PDLIM5: variants seen among roughly 807,000 people sequenced by gnomAD.
PDLIM5 encodes PDZ and LIM domain 5.
In PDLIM5, 34 loss-of-function variants were observed where a neutral mutation model predicts 64.2. That is an observed-to-expected ratio of 0.53 (90% CI 0.40 to 0.71). The LOEUF (loss-of-function observed/expected upper bound fraction) is 0.71, where lower values mean the gene tolerates loss of function less well. Among genes scored for constraint, PDLIM5 ranks in the 30% least tolerant of loss-of-function variants. PDLIM5 has a pLI of 0.00. For missense variants in PDLIM5, 683 were observed against 733.6 expected, an observed-to-expected ratio of 0.93 and a Z score of 0.80; for synonymous variants, 253 against 269.1, an observed-to-expected ratio of 0.94 and a Z score of 0.59.
At chr4:94,487,525 G>A (rs1220078670) in intron 2 of PDLIM5, among the ~76,000 whole-genome samples, 1 of 152,174 alleles carries the variant, frequency 6.6e-6, no homozygotes, top group Non-Finnish European at 1.5e-5. Context: ...ACCTCTTGCA[G>A]CCTGGCCATT....
intron 3 of PDLIM5, among the ~76,000 whole-genome samples, chr4:94,526,637 A>G (rs1214782193): frequency 1.3e-5 from 2 of 152,180 alleles, no homozygotes; most frequent in African/African-American, 2.4e-5. Context: ...TTGAAGAGTT[A>G]TCTTTGATTC....
intron 2 of PDLIM5, among the ~76,000 whole-genome samples, chr4:94,510,010 T>A (rs1242240418): frequency 1.3e-5 from 2 of 152,200 alleles, no homozygotes; most frequent in Non-Finnish European, 2.9e-5. Flanking sequence ...ACTAGTTTAA[T>A]AGTTCATTCT....
intron 3 of PDLIM5, among the ~76,000 whole-genome samples, chr4:94,539,060 T>A (rs1731553896): frequency 6.6e-6 from 1 of 152,256 alleles, no homozygotes; most frequent in African/African-American, 2.4e-5. Flanking sequence ...GATTCCATGA[T>A]TAAAAGACAG....
At chr4:94,540,237 A>G (rs540238925) in intron 3 of PDLIM5, among the ~76,000 whole-genome samples, 4 of 150,042 alleles carry the variant, frequency 2.7e-5, no homozygotes, top group African/African-American at 9.8e-5. Flanking sequence ...TTCACACGCC[A>G]TTCTCCTGCC....
chr4:94,603,484 A>G (rs913896089), intron 7 of PDLIM5, among the ~76,000 whole-genome samples: 1 of 151,984 alleles, frequency 6.6e-6, no homozygotes, highest in East Asian at 1.9e-4. Flanking sequence ...TGCCCCCCCA[A>G]CCCTCCGCAA....
intron 9 of PDLIM5, among the ~76,000 whole-genome samples, chr4:94,644,222 A>C (rs1219815533): frequency 2.6e-5 from 4 of 152,242 alleles, no homozygotes; most frequent in Non-Finnish European, 5.9e-5. Flanking sequence ...TGATTATTCC[A>C]CTTCAAGGTT....
rs573984199 is a variant in PDLIM5 at position 94,632,157 on chromosome 4, T to A, written c.1109-8119T>A. ...TCCCACTATAATATAATTGACTGTTTACTGGCTTATAACCTTCTTTAAACT... is the reference window on the plus strand; with the variant it reads ...TCCCACTATAATATAATTGACTGTTAACTGGCTTATAACCTTCTTTAAACT... On this transcript the variant is annotated intron_variant, in intron 8 of 12. Coordinates refer to ENST00000317968, the MANE Select transcript of PDLIM5 (RefSeq NM_006457.5). 2.6e-5 allele frequency among the ~76,000 whole-genome samples: 4 copies of A among 152,380 alleles called. No homozygotes were observed. In the South Asian group the frequency reaches 8.3e-4, roughly 32 times the overall value.
At chr4:94,570,118 A>G (rs1214864704) in intron 3 of PDLIM5, among the ~76,000 whole-genome samples, 1 of 152,076 alleles carries the variant, frequency 6.6e-6, no homozygotes, top group African/African-American at 2.4e-5. Context: ...ATAATTAGAT[A>G]TATTATAATT....
intron 11 of PDLIM5, among the ~76,000 whole-genome samples, chr4:94,657,810 G>A (rs966968196): frequency 4.6e-5 from 7 of 151,910 alleles, no homozygotes; most frequent in Non-Finnish European, 7.4e-5. Context: ...AGGTTCAGGC[G>A]ATTCTCCTGC....
intron 3 of PDLIM5, among the ~76,000 whole-genome samples, chr4:94,547,118 TAA>T (rs919932127): frequency 1.3e-5 from 2 of 152,130 alleles, no homozygotes; most frequent in African/African-American, 2.4e-5. Flanking sequence ...AACATTTTCA[TAA>T]AAGTTTTCCA....
intron 2 of PDLIM5, among the ~76,000 whole-genome samples, chr4:94,482,936 A>T (rs1726001340): frequency 6.6e-6 from 1 of 152,188 alleles, no homozygotes; most frequent in Non-Finnish European, 1.5e-5. Flanking sequence ...AGACAGGGAA[A>T]TGAACACCAA....
chr4:94,454,858 A>T (rs1042306968), intron 1 of PDLIM5, among the ~76,000 whole-genome samples: 2 of 152,252 alleles, frequency 1.3e-5, no homozygotes, highest in African/African-American at 4.8e-5. Context: ...AATTGCAGAC[A>T]AAAGAATACA....
At chr4:94,551,947 T>G (rs562253788) in intron 3 of PDLIM5, among the ~76,000 whole-genome samples, 1 of 152,302 alleles carries the variant, frequency 6.6e-6, no homozygotes, top group African/African-American at 2.4e-5. Context: ...GATTGACTTT[T>G]TTCCTGTATA....
At chr4:94,504,217 C>G (rs777383216) in intron 2 of PDLIM5, among the ~76,000 whole-genome samples, 4 of 149,714 alleles carry the variant, frequency 2.7e-5, no homozygotes, top group Non-Finnish European at 5.9e-5. Flanking sequence ...TACAAAAAAG[C>G]AAAAAAAAGT....
chr4:94,537,770 T>C (rs572613807), intron 3 of PDLIM5, among the ~76,000 whole-genome samples: 1 of 152,352 alleles, frequency 6.6e-6, no homozygotes, highest in South Asian at 2.1e-4. Flanking sequence ...GTTAAGTAAG[T>C]ACTTCAGAGT....
chr4:94,635,083 C>T (rs1033256804), intron 8 of PDLIM5, among the ~76,000 whole-genome samples: 3 of 152,026 alleles, frequency 2.0e-5, no homozygotes, highest in Non-Finnish European at 2.9e-5. Flanking sequence ...TTATTCTGAA[C>T]CTTTAGAAGA....
At chr4:94,495,209 T>C (rs189537558) in intron 2 of PDLIM5, among the ~76,000 whole-genome samples, 10 of 152,316 alleles carry the variant, frequency 6.6e-5, no homozygotes, top group African/African-American at 2.2e-4. Context: ...TGTTCAACTT[T>C]AAAAGCTTGT....
intron 7 of PDLIM5, chr4:94,610,316 C>A: frequency 1.3e-6 from 2 of 1,485,796 alleles, no homozygotes; most frequent in Non-Finnish European, 1.8e-6. Context: ...TAGAACTACA[C>A]GTACAGCGTC....
chr4:94,492,447 T>C (rs1726964462), intron 2 of PDLIM5, among the ~76,000 whole-genome samples: 1 of 152,156 alleles, frequency 6.6e-6, no homozygotes, highest in Non-Finnish European at 1.5e-5. Flanking sequence ...TATAATTCGG[T>C]GGCATTTTGG....
Sources: allele counts gnomAD v4.1 joint callset (sites outside exome capture counted in the v4.1 genomes callset), GRCh38; gene constraint gnomAD v4.1.1; transcripts MANE v1.5; gene names NCBI Gene and HGNC (gene_info 2026-07-23, HGNC 2026-07-21).